The following SCRN3 variants were observed in gnomAD, a reference collection of about 807,000 sequenced individuals.
The protein encoded by SCRN3 is secernin-3.
A neutral mutation model predicts 43.1 loss-of-function variants in SCRN3; 39 were observed. That is an observed-to-expected ratio of 0.91 (90% CI 0.70 to 1.18). The LOEUF is 1.18. Among genes scored for constraint, SCRN3 ranks in the 50% most tolerant of loss-of-function variants. SCRN3 has a pLI of 0.00. For missense variants in SCRN3, 484 were observed against 498.0 expected (o/e 0.97, Z 0.27); for synonymous variants, 147 against 163.1 (o/e 0.90, Z 0.75).
At chr2:174,427,137 T>C (rs1574677231) in intron 7 of SCRN3, among the ~76,000 whole-genome samples, 1 of 152,188 alleles carries the variant, frequency 6.6e-6, no homozygotes, top group East Asian at 1.9e-4. Context: ...GCCAAGTTTT[T>C]TCTTACATAC....
At chr2:174,395,955 G>C in intron 1 of SCRN3, 138 bp downstream of exon 1, 1 of 1,401,752 alleles carries the variant, frequency 7.1e-7, no homozygotes, top group Admixed American at 3.2e-5. Context: ...CAGGGCCGGG[G>C]TGCGGGGTGG....
In SCRN3 at chr2:174,422,956, T is replaced by C. The variant is rs769183816; in HGVS notation, c.826T>C (p.Phe276Leu). The change falls in exon 6 of 8, where the codon TTC (phenylalanine) becomes CTC (leucine). Residue 276 changes from phenylalanine (F) to leucine (L), a missense_variant. Physicochemically the swap from Phe to Leu is conservative, Grantham distance 22. Transcript: ENST00000272732. ...KPSGINMEGE[F>L]LTTASMVSIL... ...AAGTGGCATTAATATGGAGGGAGAA[T>C]TCCTGACCACTGCAAGCATGGTTTC... 3.1e-6 allele frequency: 5 copies of C among 1,613,062 alleles called. No individual in the cohort carries two copies. The South Asian group carries it at 4.4e-5, about 14-fold the overall frequency.
chr2:174,424,179 C>T (rs1158089864), intron 6 of SCRN3, among the ~76,000 whole-genome samples: 1 of 152,150 alleles, frequency 6.6e-6, no homozygotes, highest in South Asian at 2.1e-4. Context: ...TATCCTCCAA[C>T]TGTGGAATGT....
chr2:174,420,927 T>G (rs1324211037), intron 5 of SCRN3, among the ~76,000 whole-genome samples: 1 of 152,020 alleles, frequency 6.6e-6, no homozygotes, highest in Non-Finnish European at 1.5e-5. Flanking sequence ...TGGCCAAGAA[T>G]TTCCCCAAAC....
Position 174,424,525 on chromosome 2 carries a change from A to G in SCRN3, c.968A>G (p.Asp323Gly), listed in dbSNP as rs1273264630. The G allele has an allele frequency of 3.7e-6, 6 of 1,612,882 alleles. No individual in the cohort carries two copies. Among genetic ancestry groups the G allele is most frequent in the Non-Finnish European group, 4.2e-6 (5 of 1,179,240 alleles). The change falls in exon 7 of 8, where the codon GAT (aspartate) becomes GGT (glycine). Residue 323 changes from aspartate (D) to glycine (G), a missense_variant. Transcript: ENST00000272732. Reference sequence around the variant, plus strand: ...GTGCCACATATTTCACAACTATTGGATACCAGTTCACCAACATTTGAACTT... The same window carrying G: ...GTGCCACATATTTCACAACTATTGGGTACCAGTTCACCAACATTTGAACTT... ...IFVPHISQLL[D>G]TSSPTFELED...
In SCRN3 at chr2:174,427,708, T is replaced by C. The variant is rs1481022592; in HGVS notation, c.1093-5T>C. ...GTGTTTATCTTTATATTTTTAATTG[T>C]TTAGGAAAAAGCCAAAATAATGTTG... On this transcript the variant is annotated splice_region_variant and splice_polypyrimidine_tract_variant and intron_variant, in intron 7 of 7. Coordinates refer to ENST00000272732, the MANE Select transcript of SCRN3 (RefSeq NM_024583.5). The C allele has an allele frequency of 1.3e-6, 2 of 1,581,930 alleles. No individual in the cohort carries two copies. Among genetic ancestry groups the C allele is most frequent in the Admixed American group, 3.6e-5 (2 of 56,286 alleles).
intron 5 of SCRN3, among the ~76,000 whole-genome samples, chr2:174,409,744 G>T: frequency 1.4e-5 from 2 of 144,262 alleles, no homozygotes; most frequent in Non-Finnish European, 3.1e-5. Flanking sequence ...TGCCCCTGCT[G>T]GGAGGTGCCT....
chr2:174,408,443 A>G (rs1685774195), intron 5 of SCRN3, among the ~76,000 whole-genome samples: 1 of 144,848 alleles, frequency 6.9e-6, no homozygotes, highest in Admixed American at 6.9e-5. Context: ...TAATTGGAGA[A>G]TTTAGTCCAT....
chr2:174,419,291 T>G (rs891719619), intron 5 of SCRN3, among the ~76,000 whole-genome samples: 1 of 152,198 alleles, frequency 6.6e-6, no homozygotes, highest in Admixed American at 6.5e-5. Flanking sequence ...AAATGAAAGT[T>G]TTTTTGTTTC....
chr2:174,397,872 T>C (rs1685376039), intron 1 of SCRN3, among the ~76,000 whole-genome samples: 1 of 152,208 alleles, frequency 6.6e-6, no homozygotes, highest in South Asian at 2.1e-4. Flanking sequence ...TAGAAGAAGG[T>C]AGTTCTCATT....
chr2:174,427,822 A>C lies in SCRN3; in HGVS notation c.1202A>C (p.Asn401Thr). 6.2e-7 allele frequency: 1 copy of C among 1,609,078 alleles called. No homozygotes were observed. Among genetic ancestry groups the C allele is most frequent in the Middle Eastern group, 1.7e-4 (1 of 6,032 alleles). Residue 401 changes from asparagine to threonine, a missense_variant, in exon 8 of 8, where the codon AAT (asparagine) becomes ACT (threonine). Coordinates refer to ENST00000272732, the MANE Select transcript of SCRN3 (RefSeq NM_024583.5). The stretch of plus-strand genomic sequence containing the variant: ...CATCTTGATGTGGAGAAAATTGTTA[A>C]TCTCTTTCCTCAGTGTACAAAAGAT... ...NKHLDVEKIV[N>T]LFPQCTKDEI...
intron 2 of SCRN3, among the ~76,000 whole-genome samples, chr2:174,399,705 A>G (rs1465957350): frequency 1.3e-5 from 2 of 152,188 alleles, no homozygotes; most frequent in Non-Finnish European, 2.9e-5. Flanking sequence ...ATAATAGGAA[A>G]TGCTCAGCAA....
intron 1 of SCRN3, 51 bp downstream of exon 1, chr2:174,395,868 G>C (rs1685286253): frequency 1.4e-6 from 2 of 1,453,864 alleles, no homozygotes; most frequent in Non-Finnish European, 9.1e-7. Context: ...CAGAAACCCG[G>C]AAGACCCAAC....
chr2:174,427,617 C>T, intron 7 of SCRN3, 96 bp from the exon 8 acceptor site: 1 of 593,318 alleles, frequency 1.7e-6, no homozygotes, highest in Non-Finnish European at 2.7e-6. Context: ...AATCAGAAGC[C>T]AGCATGAACA....
chr2:174,409,983 C>G (rs1469258341), intron 5 of SCRN3: 70 of 149,868 alleles, frequency 4.7e-4, no homozygotes, highest in East Asian at 2.6e-3. Flanking sequence ...GTGGTGGGCT[C>G]CACCCAGTTC....
chr2:174,414,974 G>A (rs1225368457), intron 5 of SCRN3, among the ~76,000 whole-genome samples: 1 of 151,954 alleles, frequency 6.6e-6, no homozygotes, highest in African/African-American at 2.4e-5. Context: ...TGTTGGCCAG[G>A]CTGGTCTCTA....
chr2:174,424,541 A>G lies in SCRN3; in HGVS notation c.984A>G (p.Thr328=). The change falls in exon 7 of 8, where the codon ACA becomes ACG. Residue 328 remains threonine (T), a synonymous_variant. Transcript: ENST00000272732. The part of the protein sequence containing the change: ...ISQLLDTSSP[T]FELEDLVKKK... The stretch of plus-strand genomic sequence containing the variant: ...AACTATTGGATACCAGTTCACCAAC[A>G]TTTGAACTTGAAGATCTAGTTAAAA... The G allele has an allele frequency of 6.2e-7, 1 of 1,612,776 alleles. No homozygotes were observed. The highest frequency in any genetic ancestry group is 2.2e-5 in the East Asian group (1 of 44,788).
At chr2:174,395,924 A>G in intron 1 of SCRN3, 107 bp downstream of exon 1, 1 of 1,412,446 alleles carries the variant, frequency 7.1e-7, no homozygotes, top group Non-Finnish European at 9.2e-7. Flanking sequence ...GCCCAGCTGC[A>G]CCGGCTGCGG....
intron 6 of SCRN3, among the ~76,000 whole-genome samples, chr2:174,423,595 T>G (rs768301461): frequency 6.6e-6 from 1 of 151,836 alleles, no homozygotes; most frequent in Non-Finnish European, 1.5e-5. Context: ...TCAGCCTCCC[T>G]AGTAGCTGGG....
Sources: gnomAD v4.1 joint callset for allele counts (sites outside exome capture counted in the v4.1 genomes callset) on GRCh38, gnomAD v4.1.1 for gene constraint, MANE v1.5 for transcripts, NCBI Gene and HGNC (gene_info 2026-07-23, HGNC 2026-07-21) for gene names.